TACR3: variants seen among roughly 807,000 people sequenced by gnomAD.
TACR3 encodes neuromedin-K receptor.
In TACR3, 34 loss-of-function variants were observed where a neutral mutation model predicts 35.0. The ratio of observed to expected loss-of-function variants is 0.97; its 90% CI spans 0.74 to 1.30. The LOEUF (loss-of-function observed/expected upper bound fraction) is 1.30. TACR3 is among the 50% of genes most tolerant of loss of function. The pLI, the probability that TACR3 is intolerant of heterozygous loss-of-function variation, is 0.00. For missense variants in TACR3, 558 were observed against 591.7 expected (o/e 0.94, Z 0.59); for synonymous variants, 233 against 221.1 (o/e 1.05, Z -0.48).
intron 1 of TACR3, among the ~76,000 whole-genome samples, chr4:103,661,856 T>C (rs1248082026): frequency 1.3e-5 from 2 of 152,148 alleles, no homozygotes; most frequent in African/African-American, 4.8e-5. Flanking sequence ...AAAACATTTA[T>C]TGAATGCCTA....
intron 3 of TACR3, among the ~76,000 whole-genome samples, chr4:103,609,637 T>TTGAAG (rs771894977): frequency 8.5e-5 from 13 of 152,128 alleles, no homozygotes; most frequent in Non-Finnish European, 1.6e-4. Flanking sequence ...TTTAGCTATT[T>TTGAAG]TGAAGTGTAC....
chr4:103,589,965 C>A lies in TACR3; in HGVS notation c.1115G>T (p.Arg372Leu). The stretch of plus-strand genomic sequence containing the variant: ...GGAAACTTTGATGAAAGGACACCAG[C>A]GAAATGCTCTCTTGAAGCCAGCTCG... The part of the protein sequence containing the change: ...RFRAGFKRAF[R>L]WCPFIKVSSY... Residue 372 changes from arginine to leucine, a missense_variant, in exon 5 of 5, where the codon CGC becomes CTC. Physicochemically the swap from Arg to Leu is moderately radical, Grantham distance 102 (BLOSUM62 -2). Coordinates refer to ENST00000304883, the MANE Select transcript of TACR3 (RefSeq NM_001059.3). The A allele has an allele frequency of 6.2e-7, 1 of 1,613,646 alleles. No individual in the cohort carries two copies.
chr4:103,613,891 G>C (rs1331605261), intron 3 of TACR3, among the ~76,000 whole-genome samples: 1 of 152,034 alleles, frequency 6.6e-6, no homozygotes, highest in African/African-American at 2.4e-5. Context: ...AGGGGAGAAA[G>C]AGAGAGAAAG....
At chr4:103,690,852 TATAG>T (rs1183824844) in intron 1 of TACR3, among the ~76,000 whole-genome samples, 1 of 152,170 alleles carries the variant, frequency 6.6e-6, no homozygotes, top group African/African-American at 2.4e-5. Context: ...CTACAGGGTA[TATAG>T]AATTATGTTG....
chr4:103,613,846 C>CT (rs563187489), intron 3 of TACR3, among the ~76,000 whole-genome samples: 68 of 150,884 alleles, frequency 4.5e-4, no homozygotes, highest in East Asian at 3.5e-3. Context: ...CACATTACCT[C>CT]TTTTTTTTTG....
Position 103,615,394 on chromosome 4 carries a change from TGTGTGAGA to T in TACR3, c.889-23719_889-23712del, listed in dbSNP as rs1379892252. Among the ~76,000 whole-genome samples the T allele has an allele frequency of 2.7e-4, 27 of 98,962 alleles. No homozygotes were observed. In the East Asian group the frequency reaches 3.2e-3, roughly 12 times the overall value. The allele number at this position is 98,962 out of a possible 152,430, so 64.9% of individuals were successfully genotyped here. ...CTGCTATCGTGTGTGTGTGTGTGTG[TGTGTGAGA>T]GAGAGAGAGAGAGAGAGAGAGAGAG... On this transcript the variant is annotated intron_variant, in intron 3 of 4. Transcript: ENST00000304883.
intron 3 of TACR3, among the ~76,000 whole-genome samples, chr4:103,595,350 C>CT (rs1723982139): frequency 6.6e-6 from 1 of 152,128 alleles, no homozygotes; most frequent in African/African-American, 2.4e-5. Context: ...ACCCATTACC[C>CT]TTGGAAACTT....
chr4:103,636,515 A>G (rs1278711676), intron 3 of TACR3, among the ~76,000 whole-genome samples: 1 of 152,076 alleles, frequency 6.6e-6, no homozygotes, highest in Non-Finnish European at 1.5e-5. Context: ...ATACGTAAAT[A>G]ATACAATAAT....
intron 1 of TACR3, among the ~76,000 whole-genome samples, chr4:103,701,631 A>G (rs1211922298): frequency 2.0e-5 from 3 of 152,034 alleles, no homozygotes; most frequent in East Asian, 3.9e-4. Flanking sequence ...GAGGCATCAC[A>G]CTACCTGACT....
chr4:103,718,115 AT>A lies in TACR3; in HGVS notation c.548+1012del, dbSNP rs60150017. ...TTACAGAAATAACCTGTTTTTTCTT[AT>A]TTTTTTATTATAATGGCAACTGAAA... On this transcript the variant is annotated intron_variant, in intron 1 of 4. Coordinates refer to ENST00000304883, the MANE Select transcript of TACR3 (RefSeq NM_001059.3). 4.6e-5 allele frequency among the ~76,000 whole-genome samples: 7 copies of A among 152,062 alleles called. No individual in the cohort carries two copies. In the South Asian group the frequency reaches 1.0e-3, roughly 22 times the overall value.
At chr4:103,692,335 A>G (rs1370866460) in intron 1 of TACR3, among the ~76,000 whole-genome samples, 1 of 152,192 alleles carries the variant, frequency 6.6e-6, no homozygotes, top group Non-Finnish European at 1.5e-5. Context: ...GACATTTGAT[A>G]ATGATAAAAG....
chr4:103,655,623 CAAT>C (rs150560429), intron 3 of TACR3, among the ~76,000 whole-genome samples: 3,950 of 151,920 alleles, frequency 0.026, 170 homozygotes, highest in African/African-American at 0.09. Context: ...TAATGTCACT[CAAT>C]AAATTATAGA....
intron 3 of TACR3, among the ~76,000 whole-genome samples, chr4:103,655,366 C>A (rs1725710535): frequency 6.6e-6 from 1 of 151,966 alleles, no homozygotes; most frequent in Admixed American, 6.6e-5. Flanking sequence ...ATGGAACAAA[C>A]AATAATGATT....
intron 1 of TACR3, among the ~76,000 whole-genome samples, chr4:103,681,709 T>C (rs1252328639): frequency 2.0e-5 from 3 of 151,368 alleles, no homozygotes; most frequent in Non-Finnish European, 4.4e-5. Flanking sequence ...AATTAGTAGA[T>C]AGAAAATCAG....
In TACR3 at chr4:103,711,962, G is replaced by C. The variant is rs184806314; in HGVS notation, c.548+7166C>G. Among the ~76,000 whole-genome samples, 5 of 152,240 alleles carry C rather than the reference G, an allele frequency of 3.3e-5. No homozygotes were observed. The East Asian group carries it at 9.7e-4, about 29-fold the overall frequency. On this transcript the variant is annotated intron_variant, in intron 1 of 4. Transcript: ENST00000304883. Reference sequence around the variant, plus strand: ...GGGATGTGAAGGACCTCTTCAAGAAGAACTACAAACCACTGCTCAATGACA... The same window carrying C: ...GGGATGTGAAGGACCTCTTCAAGAACAACTACAAACCACTGCTCAATGACA...
chr4:103,651,674 C>G (rs1415173034), intron 3 of TACR3, among the ~76,000 whole-genome samples: 1 of 151,812 alleles, frequency 6.6e-6, no homozygotes, highest in Non-Finnish European at 1.5e-5. Flanking sequence ...TTCCCTATAG[C>G]CCCCACAGCT....
intron 1 of TACR3, among the ~76,000 whole-genome samples, chr4:103,666,245 G>T (rs1725933880): frequency 6.6e-6 from 1 of 152,122 alleles, no homozygotes; most frequent in African/African-American, 2.4e-5. Flanking sequence ...AAGACATTAG[G>T]TATAACTTCC....
At chr4:103,660,166 T>G (rs541612206) in intron 1 of TACR3, among the ~76,000 whole-genome samples, 1 of 152,212 alleles carries the variant, frequency 6.6e-6, no homozygotes, top group East Asian at 1.9e-4. Context: ...GTGAAAATTA[T>G]CTATATAATA....
Position 103,701,576 on chromosome 4 carries a change from G to T in TACR3, c.548+17552C>A, listed in dbSNP as rs139609009. ...TTATAGTACATATGGAACCAAAAAA[G>T]AGCCCGCATTGCCAAGACAATCCTA... On this transcript the variant is annotated intron_variant, in intron 1 of 4. Transcript: ENST00000304883. Among the ~76,000 whole-genome samples the T allele has an allele frequency of 8.1e-3, 1,229 of 152,264 alleles. 20 individuals are homozygous for T. The highest frequency in any genetic ancestry group is 0.028 in the African/African-American group (1,176 of 41,540).
Sources: allele counts gnomAD v4.1 joint callset (sites outside exome capture counted in the v4.1 genomes callset), GRCh38; gene constraint gnomAD v4.1.1; transcripts MANE v1.5; gene names NCBI Gene and HGNC (gene_info 2026-07-23, HGNC 2026-07-21).